TTC16: variants seen among roughly 807,000 people sequenced by gnomAD.
TTC16 encodes the protein tetratricopeptide repeat domain 16.
TTC16 carries 66 observed loss-of-function variants against 80.4 expected under a neutral mutation model. That is an observed-to-expected ratio of 0.82 (90% CI 0.67 to 1.01). The LOEUF (loss-of-function observed/expected upper bound fraction) is 1.01, where lower values mean the gene tolerates loss of function less well. Among genes scored for constraint, TTC16 ranks in the 50% least tolerant of loss-of-function variants. The pLI is 0.00. For synonymous variants in TTC16, 438 were observed against 451.3 expected, an observed-to-expected ratio of 0.97 and a Z score of 0.37; for missense variants, 1,070 against 1,103.2, an observed-to-expected ratio of 0.97 and a Z score of 0.43.
chr9:127,726,370 C>T lies in TTC16; in HGVS notation c.1391C>T (p.Ala464Val). 6.2e-7 allele frequency: 1 copy of T among 1,611,088 alleles called. No individual in the cohort carries two copies. The highest frequency in any genetic ancestry group is 1.3e-5 in the African/African-American group (1 of 74,954). ...QNIFGARQDV[A>V]TVLLLNPKQP... ...ATTTTTGGGGCCCGCCAGGATGTGG[C>T]CACTGTCCTGCTCCTCAACCCCAAG... The change falls in exon 10 of 14, where the codon GCC (alanine) becomes GTC (valine). Residue 464 changes from alanine to valine, a missense_variant. By Grantham distance (64) the Ala-to-Val change is moderately conservative. Coordinates refer to ENST00000373289, the MANE Select transcript of TTC16 (RefSeq NM_144965.3).
rs151144326 is a variant in TTC16, at chr9:127,729,589, A to G, written c.1773A>G (p.Lys591=). Reference sequence around the variant, plus strand: ...CCTGTTTCTTGCCATAGGAGAAAAAATCAGAGCTCATACCTAGCAAGGTGG... The same window carrying G: ...CCTGTTTCTTGCCATAGGAGAAAAAGTCAGAGCTCATACCTAGCAAGGTGG... ...EKEKEKKEEK[K]SELIPSKVAS... The change falls in exon 13 of 14, where the codon AAA becomes AAG. Residue 591 remains lysine (K), a synonymous_variant. Transcript: ENST00000373289. 1.6e-4 allele frequency: 260 copies of G among 1,613,824 alleles called. No individual in the cohort carries two copies. In the African/African-American group the frequency reaches 3.3e-3, roughly 20 times the overall value.
Position 127,731,408 on chromosome 9 carries a change from G to T in TTC16, c.*3G>T, listed in dbSNP as rs1465137177. ...TCACCTACTATGAAGCTGTCTGAAG[G>T]GACCATCCAGACCCTCCCTTCTTGC... is the stretch of plus-strand genomic sequence containing the variant. On this transcript the variant is annotated 3_prime_UTR_variant, in exon 14 of 14. Transcript: ENST00000373289. 6.2e-6 allele frequency: 10 copies of T among 1,607,080 alleles called. No individual in the cohort carries two copies. Among genetic ancestry groups the T allele is most frequent in the Non-Finnish European group, 8.5e-6 (10 of 1,176,408 alleles).
At position 127,722,823 on chromosome 9, in the gene TTC16, C is replaced by G. The variant is rs370989664; in HGVS notation, c.658-296C>G. On this transcript the variant is annotated intron_variant, in intron 6 of 13. Transcript: ENST00000373289. This position sits in a 1 kb window ranked among gnomAD's most constrained non-coding sequence, Gnocchi z 4.2. ...AATAATACAAAAATACAAAAATTAG[C>G]CAGGTGTGGTGGCACGCACCTGTAG... Among the ~76,000 whole-genome samples the G allele has an allele frequency of 3.3e-5, 5 of 152,138 alleles. No individual in the cohort carries two copies. The East Asian group carries it at 7.7e-4, about 23-fold the overall frequency.
In TTC16 at chr9:127,731,109, A is replaced by T; in HGVS notation, c.2326A>T (p.Lys776Ter). 2 of 1,611,820 alleles carry T rather than the reference A, an allele frequency of 1.2e-6. No homozygotes were observed. Among genetic ancestry groups the T allele is most frequent in the Admixed American group, 3.3e-5 (2 of 59,746 alleles). Residue 776 changes from lysine to a stop codon, truncating the protein, a stop_gained, in exon 14 of 14, where the codon AAG (lysine) becomes TAG (stop). Transcript: ENST00000373289. LOFTEE classifies it low-confidence loss of function (END_TRUNC). The stretch of plus-strand genomic sequence containing the variant: ...CCCAAGGCAGAGGCCCAGAAAGGTC[A>T]AGGCTGCTCGTGGCCGGAGCTGGAG... ...RSPRQRPRKV[K>*]AARGRSWRPS...
At chr9:127,720,224 G>A (rs200285153) in intron 5 of TTC16, 42 bp from the exon 6 acceptor site, 105 of 1,612,902 alleles carry the variant, frequency 6.5e-5, no homozygotes, top group Non-Finnish European at 7.9e-5. Flanking sequence ...ACTTCCTGCC[G>A]CCCCACCCGG....
At chr9:127,720,672 C>T (rs893187168) in intron 6 of TTC16, among the ~76,000 whole-genome samples, 24 of 151,924 alleles carry the variant, frequency 1.6e-4, no homozygotes, top group African/African-American at 9.7e-5. Flanking sequence ...CATCCCTGTC[C>T]GGATGGAGCT....
chr9:127,716,151 AGATTCGGAC>A lies in TTC16; in HGVS notation c.9_17del (p.Asp3_Asp5del). 1 of 1,614,004 alleles carries A rather than the reference AGATTCGGAC, an allele frequency of 6.2e-7. No individual in the cohort carries two copies. The highest frequency in any genetic ancestry group is 8.5e-7 in the Non-Finnish European group (1 of 1,180,010). On this transcript the variant is annotated inframe_deletion, in exon 1 of 14. Transcript: ENST00000373289. ...GTCCTCCTGGAAGGGGCCTCATGAC[AGATTCGGAC>A]GAGGTGCGGGCTTGGGAGAAGACTA...
chr9:127,717,543 A>C (rs1191054015), intron 3 of TTC16, 86 bp from the exon 4 acceptor site: 3 of 1,580,138 alleles, frequency 1.9e-6, no homozygotes, highest in Non-Finnish European at 2.6e-6. Context: ...ATTGGATGTC[A>C]ACTCTCAGGG....
At chr9:127,725,048 T>A (rs1843823743) in intron 9 of TTC16, 151 bp downstream of exon 9, 1 of 944,318 alleles carries the variant, frequency 1.1e-6, no homozygotes, top group East Asian at 3.0e-5. Flanking sequence ...GTGGATCGCC[T>A]GAGGTCGAGA....
chr9:127,725,478 G>A (rs1233886714), intron 9 of TTC16, among the ~76,000 whole-genome samples: 1 of 136,814 alleles, frequency 7.3e-6, no homozygotes, highest in Non-Finnish European at 1.5e-5. Context: ...GCAGGAGAAT[G>A]GCGTGAACCC....
intron 8 of TTC16, 103 bp downstream of exon 8, chr9:127,724,467 G>C: frequency 1.4e-6 from 2 of 1,439,466 alleles, no homozygotes; most frequent in Non-Finnish European, 9.4e-7. Flanking sequence ...AGGAGGAAGG[G>C]AGAGAGGAAG....
In TTC16 at chr9:127,723,279, G is replaced by A. The variant is rs1310324240; in HGVS notation, c.818G>A (p.Arg273Gln). 1.9e-5 allele frequency: 31 copies of A among 1,612,820 alleles called. No individual in the cohort carries two copies. The highest frequency in any genetic ancestry group is 5.0e-5 in the Admixed American group (3 of 60,006). The change falls in exon 7 of 14, where the codon CGG becomes CAG. Residue 273 changes from arginine to glutamine, a missense_variant. Physicochemically the swap from Arg to Gln is conservative, Grantham distance 43. Transcript: ENST00000373289. The part of the protein sequence containing the change: ...VQGKLQHALQ[R>Q]INRAIENNPL... ...GGCAAGCTGCAGCACGCACTGCAGC[G>A]GATCAACCGTGCCATCGAGAACAAC...
chr9:127,727,664 T>C, intron 12 of TTC16, 199 bp downstream of exon 12: 1 of 1,113,014 alleles, frequency 9.0e-7, no homozygotes, highest in Non-Finnish European at 1.2e-6. Context: ...ACGGAGGGTG[T>C]GTGGGGATGT....
At chr9:127,717,811 T>A (rs375318758) in intron 4 of TTC16, 39 bp downstream of exon 4, 45 of 1,591,604 alleles carry the variant, frequency 2.8e-5, no homozygotes, top group Non-Finnish European at 3.8e-5. Flanking sequence ...GGCACCCACC[T>A]CACACTTCTC....
intron 4 of TTC16, 105 bp from the exon 5 acceptor site, chr9:127,719,973 T>G: frequency 2.1e-6 from 2 of 942,848 alleles, no homozygotes; most frequent in East Asian, 4.8e-5. Context: ...GGCTCTGTCC[T>G]TGTCTTTGTA....
At chr9:127,729,468 A>G in intron 12 of TTC16, 113 bp from the exon 13 acceptor site, 6 of 834,206 alleles carry the variant, frequency 7.2e-6, no homozygotes, top group Non-Finnish European at 1.2e-5. Flanking sequence ...ACCTTCAAAG[A>G]CCTCCAAGCT....
chr9:127,730,216 C>T lies in TTC16; in HGVS notation c.1853-420C>T, dbSNP rs565262488. On this transcript the variant is annotated intron_variant, in intron 13 of 13. Transcript: ENST00000373289. ...CTAAGCTCCAACAGGAAGAAGGCTC[C>T]CAGGTGACCCACAGCCAGGAGACAG... The T allele has an allele frequency of 5.5e-4, 134 of 242,684 alleles. 2 individuals carry two copies. In the South Asian group the frequency reaches 6.4e-3, roughly 12 times the overall value. 15.0% of individuals were successfully genotyped at this position (242,684 alleles called of 1,614,324 possible).
At position 127,730,893 on chromosome 9, in the gene TTC16, A is replaced by C; in HGVS notation, c.2110A>C (p.Lys704Gln). ...NSSKTKATIH[K>Q]RNSSKTKATQ... ...CAGCAAGACCAAGGCCACTATACACAAGAGGAACTCCAGCAAGACCAAGGC... is the reference window on the plus strand; with the variant it reads ...CAGCAAGACCAAGGCCACTATACACCAGAGGAACTCCAGCAAGACCAAGGC... Residue 704 changes from lysine to glutamine, a missense_variant, in exon 14 of 14, where the codon AAG (lysine) becomes CAG (glutamine). Transcript: ENST00000373289. 6.2e-7 allele frequency: 1 copy of C among 1,611,336 alleles called. No individual in the cohort carries two copies. Among genetic ancestry groups the C allele is most frequent in the Non-Finnish European group, 8.5e-7 (1 of 1,179,512 alleles).
At chr9:127,716,731 C>T (rs776185031) in intron 1 of TTC16, 113 bp from the exon 2 acceptor site, 64 of 1,386,276 alleles carry the variant, frequency 4.6e-5, no homozygotes, top group Non-Finnish European at 5.8e-5. Flanking sequence ...GGGAGTGCCT[C>T]CTTCCAGGCC....
Sources: gnomAD v4.1 joint callset for allele counts (sites outside exome capture counted in the v4.1 genomes callset) on GRCh38, gnomAD v4.1.1 for gene constraint, Gnocchi (gnomAD v3.1) non-coding constraint, MANE v1.5 for transcripts, NCBI Gene and HGNC (gene_info 2026-07-23, HGNC 2026-07-21) for gene names.